ROR2: variants seen among roughly 807,000 people sequenced by gnomAD.
The protein encoded by ROR2 is tyrosine-protein kinase transmembrane receptor ROR2.
In ROR2, 33 loss-of-function variants were observed where a neutral mutation model predicts 74.9. That is an observed-to-expected ratio of 0.44 (90% CI 0.33 to 0.59). ROR2 has a LOEUF of 0.59. Ranked by LOEUF, ROR2 falls within the 20% of genes least tolerant of loss-of-function variation. The pLI is 0.02. For synonymous variants in ROR2, 586 were observed against 558.7 expected (o/e 1.05, Z -0.69); for missense variants, 1,216 against 1,313.8 (o/e 0.93, Z 1.15).
At chr9:91,778,422 C>T (rs914844340) in intron 1 of ROR2, among the ~76,000 whole-genome samples, 1 of 152,180 alleles carries the variant, frequency 6.6e-6, no homozygotes, top group Non-Finnish European at 1.5e-5. Flanking sequence ...CTGAGTCATT[C>T]TTTACATAAA....
intron 1 of ROR2, among the ~76,000 whole-genome samples, chr9:91,776,237 T>C (rs1394704586): frequency 6.6e-6 from 1 of 151,954 alleles, no homozygotes; most frequent in East Asian, 1.9e-4. Context: ...AAATTCAGAG[T>C]TGGAGAATTT....
chr9:91,813,208 A>C (rs757419550), intron 1 of ROR2, among the ~76,000 whole-genome samples: 1 of 152,210 alleles, frequency 6.6e-6, no homozygotes, highest in Non-Finnish European at 1.5e-5. Flanking sequence ...TCCTGGCACA[A>C]TGACAAAAAA....
intron 1 of ROR2, among the ~76,000 whole-genome samples, chr9:91,807,210 G>T (rs1350364882): frequency 6.6e-6 from 1 of 152,174 alleles, no homozygotes; most frequent in African/African-American, 2.4e-5. Context: ...TGTCCACGCT[G>T]CAGCCTGGAC....
At chr9:91,746,640 C>T (rs946299825) in intron 4 of ROR2, among the ~76,000 whole-genome samples, 7 of 152,008 alleles carry the variant, frequency 4.6e-5, no homozygotes, top group African/African-American at 1.2e-4. Context: ...GTGGGTGAAA[C>T]ATATGGGGCT....
At chr9:91,899,117 C>A (rs2119425831) in intron 1 of ROR2, among the ~76,000 whole-genome samples, 1 of 152,362 alleles carries the variant, frequency 6.6e-6, no homozygotes, top group East Asian at 1.9e-4. Flanking sequence ...TCCTGTTCCG[C>A]TGACTCCGGC....
chr9:91,892,198 C>T (rs966753213), intron 1 of ROR2, among the ~76,000 whole-genome samples: 3 of 152,214 alleles, frequency 2.0e-5, no homozygotes, highest in Non-Finnish European at 4.4e-5. Context: ...CCTTTCTAAA[C>T]TCACCGTGCC....
At chr9:91,918,912 C>G (rs1228355069) in intron 1 of ROR2, among the ~76,000 whole-genome samples, 2 of 152,110 alleles carry the variant, frequency 1.3e-5, no homozygotes, top group East Asian at 1.9e-4. Context: ...TAAGCCCACA[C>G]GTACACAGCC....
At chr9:91,901,005 A>T (rs1460830469) in intron 1 of ROR2, among the ~76,000 whole-genome samples, 1 of 152,208 alleles carries the variant, frequency 6.6e-6, no homozygotes, top group Non-Finnish European at 1.5e-5. Flanking sequence ...GTGTACTACG[A>T]GGAAGCTGCA....
intron 1 of ROR2, among the ~76,000 whole-genome samples, chr9:91,800,552 C>G (rs1827341100): frequency 6.6e-6 from 1 of 151,926 alleles, no homozygotes; most frequent in African/African-American, 2.4e-5. Flanking sequence ...CTTTGTGGCC[C>G]CTCTTTCTCT....
chr9:91,788,749 C>A (rs1826878736), intron 1 of ROR2, among the ~76,000 whole-genome samples: 1 of 151,652 alleles, frequency 6.6e-6, no homozygotes, highest in South Asian at 2.1e-4. Flanking sequence ...CCTGTAATCC[C>A]AGCTACTCAG....
intron 1 of ROR2, among the ~76,000 whole-genome samples, chr9:91,943,363 C>T (rs1277740197): frequency 5.3e-5 from 8 of 151,896 alleles, no homozygotes; most frequent in Admixed American, 2.6e-4. Context: ...TTACAAATTA[C>T]GGTGCATAAT....
At chr9:91,850,720 G>A (rs184269386) in intron 1 of ROR2, among the ~76,000 whole-genome samples, 57 of 152,280 alleles carry the variant, frequency 3.7e-4, no homozygotes, top group African/African-American at 1.2e-3. Flanking sequence ...GGAAATTAAC[G>A]TAACTCGCAA....
intron 1 of ROR2, among the ~76,000 whole-genome samples, chr9:91,809,595 C>T (rs746951980): frequency 3.3e-5 from 5 of 152,242 alleles, no homozygotes; most frequent in Admixed American, 6.5e-5. Flanking sequence ...CGGGCAGGTC[C>T]AGGGCCAAAG....
intron 8 of ROR2, among the ~76,000 whole-genome samples, chr9:91,725,853 C>T (rs1292504166): frequency 1.3e-5 from 2 of 152,182 alleles, no homozygotes; most frequent in African/African-American, 2.4e-5. Flanking sequence ...TGGCCAGCCC[C>T]TGCCCATAGC....
At chr9:91,821,835 G>T (rs1170823261) in intron 1 of ROR2, among the ~76,000 whole-genome samples, 1 of 152,132 alleles carries the variant, frequency 6.6e-6, no homozygotes, top group Non-Finnish European at 1.5e-5. Context: ...TACTCAGCAG[G>T]TCCAAGGCAT....
chr9:91,737,466 C>T lies in ROR2; in HGVS notation c.547G>A (p.Ala183Thr). Residue 183 changes from alanine (A) to threonine (T), a missense_variant, in exon 5 of 9, where the codon GCA (alanine) becomes ACA (threonine). Transcript: ENST00000375708. ...FCQPYRGIAC[A>T]RFIGNRTIYV... ...ATGGTCCGGTTGCCAATGAAGCGTG[C>T]ACAGGCAATTCCCCGGTAAGGCTGG... 6.2e-7 allele frequency: 1 copy of T among 1,614,202 alleles called. No individual in the cohort carries two copies.
chr9:91,871,254 T>C (rs148741369), intron 1 of ROR2, among the ~76,000 whole-genome samples: 29 of 152,268 alleles, frequency 1.9e-4, no homozygotes, highest in African/African-American at 6.7e-4. Flanking sequence ...CTGTCTGCCA[T>C]ATATATCACT....
At chr9:91,772,371 C>T (rs921731129) in intron 2 of ROR2, among the ~76,000 whole-genome samples, 4 of 152,198 alleles carry the variant, frequency 2.6e-5, no homozygotes, top group African/African-American at 9.7e-5. Flanking sequence ...ACTGAGCAAG[C>T]CCTTTCATCC....
intron 1 of ROR2, among the ~76,000 whole-genome samples, chr9:91,818,473 G>A (rs73651560): frequency 0.017 from 1,178 of 69,326 alleles, 22 homozygotes; most frequent in African/African-American, 0.062. Context: ...CCCACCAGTA[G>A]CCAGCCCTCT....
Sources: gnomAD v4.1 joint callset for allele counts (sites outside exome capture counted in the v4.1 genomes callset) on GRCh38, gnomAD v4.1.1 for gene constraint, MANE v1.5 for transcripts, NCBI Gene and HGNC (gene_info 2026-07-23, HGNC 2026-07-21) for gene names.